Variants in SOX6 observed in about 807,000 individuals in gnomAD.
The protein encoded by SOX6 is SRY-box transcription factor 6.
A neutral mutation model predicts 97.8 loss-of-function variants in SOX6; 11 were observed. That is an observed-to-expected ratio of 0.11 (90% CI 0.07 to 0.19). The LOEUF (loss-of-function observed/expected upper bound fraction) is 0.19, where lower values mean the gene tolerates loss of function less well. Ranked by LOEUF, SOX6 falls within the 10% of genes least tolerant of loss-of-function variation. The pLI is 1.00. For missense variants in SOX6, 810 were observed against 1,039.5 expected (o/e 0.78, Z 3.04); for synonymous variants, 360 against 371.4 (o/e 0.97, Z 0.35).
intron 4 of SOX6, among the ~76,000 whole-genome samples, chr11:16,589,383 T>C (rs1193582561): frequency 6.6e-6 from 1 of 152,168 alleles, no homozygotes; most frequent in Non-Finnish European, 1.5e-5. Context: ...ATGTGCAACA[T>C]CCAATATCAG....
intron 9 of SOX6, among the ~76,000 whole-genome samples, chr11:16,069,751 T>A: frequency 6.6e-6 from 1 of 152,172 alleles, no homozygotes; most frequent in Non-Finnish European, 1.5e-5. Context: ...AATTGCCTTT[T>A]CACAACAACC....
At chr11:16,723,128 TG>T (rs1207161199) in intron 2 of SOX6, among the ~76,000 whole-genome samples, 2 of 152,144 alleles carry the variant, frequency 1.3e-5, no homozygotes, top group Non-Finnish European at 2.9e-5. Context: ...ATATACACCA[TG>T]GAATACTATG....
intron 9 of SOX6, among the ~76,000 whole-genome samples, chr11:16,076,701 C>G (rs1848360580): frequency 7.5e-6 from 1 of 134,008 alleles, no homozygotes; most frequent in African/African-American, 2.8e-5. Flanking sequence ...ATGTCTGGAA[C>G]AAGAGGAAGA....
chr11:16,399,746 C>T (rs4543944), intron 1 of SOX6, among the ~76,000 whole-genome samples: 5 of 151,484 alleles, frequency 3.3e-5, no homozygotes, highest in Admixed American at 2.6e-4. Context: ...GGTGACATTT[C>T]TCATCCAAAA....
At chr11:16,326,030 G>GT (rs759630132) in intron 2 of SOX6, among the ~76,000 whole-genome samples, 9 of 152,054 alleles carry the variant, frequency 5.9e-5, no homozygotes, top group Non-Finnish European at 1.0e-4. Flanking sequence ...CTCCAGAATT[G>GT]TGAGAAATAA....
chr11:16,214,746 A>ATTT (rs368038119), intron 4 of SOX6, among the ~76,000 whole-genome samples: 2 of 131,208 alleles, frequency 1.5e-5, no homozygotes, highest in Non-Finnish European at 3.2e-5. Context: ...ACTGGAACCA[A>ATTT]TTTTTTTTTT....
chr11:16,287,716 A>T (rs1854794323), intron 3 of SOX6, among the ~76,000 whole-genome samples: 1 of 152,096 alleles, frequency 6.6e-6, no homozygotes, highest in Non-Finnish European at 1.5e-5. Context: ...TGCAAACTGT[A>T]AACTATGTAC....
intron 6 of SOX6, among the ~76,000 whole-genome samples, chr11:16,130,684 TAAAC>T (rs1272048772): frequency 1.3e-5 from 2 of 151,920 alleles, no homozygotes; most frequent in African/African-American, 4.8e-5. Flanking sequence ...TCAAAACAAT[TAAAC>T]AAATAAAATT....
At chr11:16,686,983 G>A (rs1020219096) in intron 3 of SOX6, among the ~76,000 whole-genome samples, 1 of 152,002 alleles carries the variant, frequency 6.6e-6, no homozygotes, top group Non-Finnish European at 1.5e-5. Flanking sequence ...AAATTAGCCA[G>A]GCGTGGTGGC....
chr11:16,354,428 G>A (rs2134364653), intron 1 of SOX6, among the ~76,000 whole-genome samples: 1 of 152,068 alleles, frequency 6.6e-6, no homozygotes, highest in East Asian at 1.9e-4. Flanking sequence ...TCGTGACCCA[G>A]TGCTGAGTGA....
chr11:16,561,986 C>G (rs1847820690), intron 4 of SOX6, among the ~76,000 whole-genome samples: 1 of 152,050 alleles, frequency 6.6e-6, no homozygotes, highest in Non-Finnish European at 1.5e-5. Flanking sequence ...CTTGGTCTCC[C>G]AAAGTATAAG....
intron 1 of SOX6, among the ~76,000 whole-genome samples, chr11:16,401,613 G>A (rs771035664): frequency 5.3e-5 from 8 of 151,248 alleles, no homozygotes; most frequent in Non-Finnish European, 7.4e-5. Flanking sequence ...TTCCAGTCTC[G>A]CTTTTTAAAT....
At chr11:16,174,730 A>C (rs899568422) in intron 6 of SOX6, among the ~76,000 whole-genome samples, 1 of 151,946 alleles carries the variant, frequency 6.6e-6, no homozygotes, top group Non-Finnish European at 1.5e-5. Context: ...GATTTATATG[A>C]ACAACTTTAT....
chr11:16,390,484 AC>A (rs1395610304), intron 1 of SOX6, among the ~76,000 whole-genome samples: 1 of 152,270 alleles, frequency 6.6e-6, no homozygotes, highest in African/African-American at 2.4e-5. Context: ...CTCACTACCA[AC>A]TACTCTCTGA....
At chr11:16,229,059 C>T (rs1852769760) in intron 4 of SOX6, among the ~76,000 whole-genome samples, 1 of 152,126 alleles carries the variant, frequency 6.6e-6, no homozygotes, top group Non-Finnish European at 1.5e-5. Context: ...CTACTGCTCA[C>T]ACTTGACTCT....
intron 6 of SOX6, among the ~76,000 whole-genome samples, chr11:16,177,547 TA>T (rs1851227695): frequency 6.6e-6 from 1 of 151,750 alleles, no homozygotes; most frequent in African/African-American, 2.4e-5. Flanking sequence ...GATAACCATG[TA>T]AAGGAAAACA....
At chr11:16,075,114 C>G (rs1464038926) in intron 9 of SOX6, among the ~76,000 whole-genome samples, 1 of 152,022 alleles carries the variant, frequency 6.6e-6, no homozygotes, top group Non-Finnish European at 1.5e-5. Context: ...AAAAAGTGGA[C>G]AAAAACAAGC....
chr11:16,005,782 G>T (rs1294200409), intron 13 of SOX6, among the ~76,000 whole-genome samples: 4 of 151,892 alleles, frequency 2.6e-5, no homozygotes, highest in Non-Finnish European at 5.9e-5. Flanking sequence ...CTTTTTTCCA[G>T]GTCTGAGACT....
intron 1 of SOX6, among the ~76,000 whole-genome samples, chr11:16,406,481 G>A (rs773548545): frequency 5.9e-5 from 9 of 152,118 alleles, no homozygotes; most frequent in Non-Finnish European, 1.3e-4. Flanking sequence ...ATTCAACTCT[G>A]CTCCATATGT....
Sources: allele counts gnomAD v4.1 joint callset (sites outside exome capture counted in the v4.1 genomes callset), GRCh38; gene constraint gnomAD v4.1.1; transcripts MANE v1.5; gene names NCBI Gene and HGNC (gene_info 2026-07-23, HGNC 2026-07-21).